Variants in LRRC49 observed in about 807,000 individuals in gnomAD.
LRRC49 encodes leucine-rich repeat-containing protein 49.
A neutral mutation model predicts 83.3 loss-of-function variants in LRRC49; 50 were observed. The observed-to-expected ratio is 0.60, with a 90% CI of 0.48 to 0.76. The LOEUF (loss-of-function observed/expected upper bound fraction) is 0.76. Ranked by LOEUF, LRRC49 falls within the 30% of genes least tolerant of loss-of-function variation. The pLI, the probability that LRRC49 is intolerant of heterozygous loss-of-function variation, is 0.00. For synonymous variants in LRRC49, 286 were observed against 283.3 expected, an observed-to-expected ratio of 1.01 and a Z score of -0.10; for missense variants, 704 against 809.1, an observed-to-expected ratio of 0.87 and a Z score of 1.58.
At chr15:70,893,287 C>G in intron 1 of LRRC49, 1 of 551,692 alleles carries the variant, frequency 1.8e-6, no homozygotes, top group Non-Finnish European at 3.2e-6. Context: ...ACCTCCTTCA[C>G]CTGTCTCATT....
intron 11 of LRRC49, among the ~76,000 whole-genome samples, chr15:70,998,781 T>C (rs1007337361): frequency 1.3e-5 from 2 of 152,092 alleles, no homozygotes; most frequent in African/African-American, 2.4e-5. Context: ...GCTTTTTTTT[T>C]TCTCTCATGT....
In LRRC49 at chr15:71,023,563, G is replaced by A. The variant is rs1162003464; in HGVS notation, c.1703+10650G>A. ...AGTTGGCACAACCCATGGAGAGAGA[G>A]GAAAAACAGGGTGGTGCGATGGCCC... On this transcript the variant is annotated intron_variant, in intron 14 of 15. Coordinates refer to ENST00000260382, the MANE Select transcript of LRRC49 (RefSeq NM_017691.5). Among the ~76,000 whole-genome samples the A allele has an allele frequency of 2.0e-5, 3 of 152,182 alleles. No homozygotes were observed. In the East Asian group the frequency reaches 5.8e-4, roughly 29 times the overall value.
chr15:70,920,898 C>T (rs371661184), intron 7 of LRRC49, among the ~76,000 whole-genome samples: 53 of 152,226 alleles, frequency 3.5e-4, no homozygotes, highest in Middle Eastern at 6.8e-3. Flanking sequence ...CAAAGCATCT[C>T]TTTTTTAAAA....
intron 8 of LRRC49, among the ~76,000 whole-genome samples, chr15:70,963,147 A>G (rs2036666227): frequency 6.6e-6 from 1 of 151,688 alleles, no homozygotes; most frequent in South Asian, 2.1e-4. Context: ...ATGATGGTAC[A>G]TACCTGTAGT....
intron 5 of LRRC49, among the ~76,000 whole-genome samples, chr15:70,907,130 A>G (rs2034347205): frequency 6.6e-6 from 1 of 152,158 alleles, no homozygotes; most frequent in Non-Finnish European, 1.5e-5. Flanking sequence ...CATTAAGCAA[A>G]CCTGGCTGAG....
chr15:71,053,580 G>T lies in LRRC49; in HGVS notation c.*3968G>T, dbSNP rs2040017436. 6.6e-6 allele frequency: 1 copy of T among 152,202 alleles called. No individual in the cohort carries two copies. The highest frequency in any genetic ancestry group is 2.4e-5 in the African/African-American group (1 of 41,420). 9.4% of individuals were successfully genotyped at this position (152,202 alleles called of 1,614,324 possible). A position where few individuals can be genotyped will look rare whatever the true frequency, so the allele number is the denominator to read the frequency against. ...AGATTGGGCTAGAATTATAGAATTT[G>T]GAGTCATTGGCGTATAGCAGTACTT... On this transcript the variant is annotated 3_prime_UTR_variant, in exon 16 of 16. Coordinates refer to ENST00000260382, the MANE Select transcript of LRRC49 (RefSeq NM_017691.5).
intron 8 of LRRC49, among the ~76,000 whole-genome samples, chr15:70,961,885 C>A (rs925313286): frequency 1.3e-5 from 2 of 152,004 alleles, no homozygotes; most frequent in Admixed American, 6.6e-5. Context: ...TTAATATATG[C>A]AAATGTTAAA....
At chr15:70,867,178 T>C (rs1173332934) in intron 1 of LRRC49, among the ~76,000 whole-genome samples, 1 of 151,886 alleles carries the variant, frequency 6.6e-6, no homozygotes, top group East Asian at 1.9e-4. Context: ...TGCTGAGTCA[T>C]GTAGGCCTGC....
chr15:70,967,987 A>G (rs1020033905), intron 9 of LRRC49, among the ~76,000 whole-genome samples: 3 of 149,938 alleles, frequency 2.0e-5, no homozygotes, highest in Non-Finnish European at 4.5e-5. Flanking sequence ...TTATTTATTT[A>G]TTTGTTTATT....
upstream of LRRC49, among the ~76,000 whole-genome samples, chr15:70,889,973 A>G (rs1227839782): frequency 6.6e-6 from 1 of 152,252 alleles, no homozygotes; most frequent in Non-Finnish European, 1.5e-5. Context: ...TGACTATTTT[A>G]GAACTCACAG....
chr15:71,005,351 A>G (rs2038420356), intron 11 of LRRC49, among the ~76,000 whole-genome samples: 1 of 152,070 alleles, frequency 6.6e-6, no homozygotes, highest in Non-Finnish European at 1.5e-5. Flanking sequence ...CAATAAGCAC[A>G]TTATATTATA....
intron 11 of LRRC49, chr15:70,984,551 GTTC>G (rs1215006772): frequency 1.1e-5 from 2 of 189,836 alleles, no homozygotes; most frequent in African/African-American, 4.7e-5. Context: ...CATCAACCAT[GTTC>G]TTCTGCTATT....
intron 11 of LRRC49, among the ~76,000 whole-genome samples, chr15:70,986,440 G>C (rs1434007395): frequency 3.3e-5 from 5 of 151,860 alleles, no homozygotes; most frequent in African/African-American, 1.2e-4. Flanking sequence ...CTGTTTGTCT[G>C]TTATTGGTGT....
chr15:70,972,287 T>C (rs2037034482), intron 9 of LRRC49, among the ~76,000 whole-genome samples: 1 of 152,228 alleles, frequency 6.6e-6, no homozygotes, highest in Non-Finnish European at 1.5e-5. Context: ...AAAATTCTTT[T>C]CTTTAAGAAT....
intron 7 of LRRC49, among the ~76,000 whole-genome samples, chr15:70,933,668 C>G (rs1343184267): frequency 6.6e-6 from 1 of 152,192 alleles, no homozygotes; most frequent in Non-Finnish European, 1.5e-5. Flanking sequence ...AGCACACTGC[C>G]TTGACATAGC....
intron 7 of LRRC49, among the ~76,000 whole-genome samples, chr15:70,926,281 G>A (rs1226793409): frequency 6.6e-6 from 1 of 152,020 alleles, no homozygotes; most frequent in East Asian, 1.9e-4. Flanking sequence ...GTCTCATTAT[G>A]TTGCCCAGGC....
At chr15:70,854,054 G>A in intron 1 of LRRC49, 1 of 1,404,138 alleles carries the variant, frequency 7.1e-7, no homozygotes, top group Non-Finnish European at 9.3e-7. Flanking sequence ...CGCCGTCTTG[G>A]GCCCGGGCCG....
intron 9 of LRRC49, among the ~76,000 whole-genome samples, chr15:70,977,879 T>G (rs890108769): frequency 6.6e-6 from 1 of 152,140 alleles, no homozygotes; most frequent in African/African-American, 2.4e-5. Context: ...TGGCTTCTGG[T>G]CCTGATCCTG....
upstream of LRRC49, among the ~76,000 whole-genome samples, chr15:70,889,789 A>T (rs1339750079): frequency 1.3e-5 from 2 of 152,170 alleles, no homozygotes; most frequent in Admixed American, 6.5e-5. Context: ...AATCACTGGA[A>T]ATCTGATTTT....
Sources: gnomAD v4.1 joint callset for allele counts (sites outside exome capture counted in the v4.1 genomes callset) on GRCh38, gnomAD v4.1.1 for gene constraint, MANE v1.5 for transcripts, NCBI Gene and HGNC (gene_info 2026-07-23, HGNC 2026-07-21) for gene names.